The following SPECC1 variants were observed in gnomAD, a reference collection of about 807,000 sequenced individuals.
The protein encoded by SPECC1 is cytospin-B.
In SPECC1, 62 loss-of-function variants were observed where a neutral mutation model predicts 104.1. The observed-to-expected ratio is 0.60, with a 90% CI of 0.49 to 0.74. The LOEUF is 0.74. SPECC1 is among the 30% of genes least tolerant of loss of function. The pLI is 0.00. For synonymous variants in SPECC1, 513 were observed against 501.6 expected, an observed-to-expected ratio of 1.02 and a Z score of -0.30; for missense variants, 1,306 against 1,310.5, an observed-to-expected ratio of 1.00 and a Z score of 0.05.
chr17:20,074,222 C>CT (rs889045004), intron 1 of SPECC1, among the ~76,000 whole-genome samples: 7 of 152,246 alleles, frequency 4.6e-5, no homozygotes, highest in African/African-American at 1.4e-4. Flanking sequence ...GTAGTGTGCC[C>CT]TGTCGTCTGG....
At chr17:20,092,946 C>T (rs1350303343) in intron 1 of SPECC1, among the ~76,000 whole-genome samples, 2 of 152,188 alleles carry the variant, frequency 1.3e-5, no homozygotes, top group Admixed American at 1.3e-4. Context: ...CCATCCGTCC[C>T]TGGTGTTTAG....
intron 12 of SPECC1, among the ~76,000 whole-genome samples, chr17:20,273,758 T>G (rs549373568): frequency 6.6e-6 from 1 of 152,234 alleles, no homozygotes; most frequent in African/African-American, 2.4e-5. Flanking sequence ...GTCTTTGCCC[T>G]TCGCCACTGC....
At position 20,316,284 on chromosome 17, in the gene SPECC1, G is replaced by T; in HGVS notation, c.*2219G>T. On this transcript the variant is annotated 3_prime_UTR_variant, in exon 15 of 15. Coordinates refer to ENST00000395527, the MANE Select transcript of SPECC1 (RefSeq NM_001243439.2). The stretch of plus-strand genomic sequence containing the variant: ...TTAGATTTAAGCTGGAATTAGTCCA[G>T]GGTTTTATGTGGGGAGGCAGTTGCT... The T allele has an allele frequency of 4.3e-6, 1 of 231,734 alleles. No individual in the cohort carries two copies. The highest frequency in any genetic ancestry group is 8.5e-6 in the Non-Finnish European group (1 of 117,072). 14.4% of individuals were successfully genotyped at this position (231,734 alleles called of 1,614,324 possible). A position where few individuals can be genotyped will look rare whatever the true frequency, so the allele number is the denominator to read the frequency against.
At chr17:20,032,083 A>C (rs572838392) in intron 1 of SPECC1, among the ~76,000 whole-genome samples, 1 of 152,258 alleles carries the variant, frequency 6.6e-6, no homozygotes, top group South Asian at 2.1e-4. Context: ...ATATGTTATC[A>C]TTCATTGTTT....
At chr17:20,049,167 T>C (rs928827731) in intron 1 of SPECC1, among the ~76,000 whole-genome samples, 1 of 152,192 alleles carries the variant, frequency 6.6e-6, no homozygotes, top group African/African-American at 2.4e-5. Context: ...CATCAGTATA[T>C]ATATGCTATC....
intron 3 of SPECC1, among the ~76,000 whole-genome samples, chr17:20,125,017 A>G (rs1169420587): frequency 6.6e-6 from 1 of 152,112 alleles, no homozygotes; most frequent in Non-Finnish European, 1.5e-5. Context: ...CGTCTCTACT[A>G]AAAATACAAA....
chr17:20,257,917 C>T (rs931756511), intron 11 of SPECC1, among the ~76,000 whole-genome samples: 8 of 152,130 alleles, frequency 5.3e-5, no homozygotes, highest in South Asian at 2.1e-4. Flanking sequence ...ATTACAAGCA[C>T]GCTGTGGAAT....
chr17:20,112,732 T>C (rs2048555863), intron 3 of SPECC1: 1 of 1,211,216 alleles, frequency 8.3e-7, no homozygotes, highest in Non-Finnish European at 1.2e-6. Flanking sequence ...TTAAAGCCAA[T>C]TTAGAAGGTG....
At chr17:20,053,602 A>G (rs1381973234) in intron 1 of SPECC1, among the ~76,000 whole-genome samples, 5 of 152,194 alleles carry the variant, frequency 3.3e-5, no homozygotes, top group Non-Finnish European at 5.9e-5. Flanking sequence ...AGAGAAGCCA[A>G]CTGCCAGATG....
intron 4 of SPECC1, among the ~76,000 whole-genome samples, chr17:20,214,679 C>A (rs1214469005): frequency 6.6e-6 from 1 of 151,996 alleles, no homozygotes; most frequent in African/African-American, 2.4e-5. Flanking sequence ...AGCTAACTTT[C>A]CTATTTTTAG....
intron 1 of SPECC1, among the ~76,000 whole-genome samples, chr17:20,084,055 A>G (rs1265331645): frequency 6.6e-6 from 1 of 152,142 alleles, no homozygotes; most frequent in East Asian, 1.9e-4. Flanking sequence ...TTATTTAAAT[A>G]TTTGGTCATT....
At chr17:20,238,868 A>G (rs2039062034) in intron 7 of SPECC1, 2 of 1,044,568 alleles carry the variant, frequency 1.9e-6, no homozygotes, top group African/African-American at 1.7e-5. Context: ...ATGAAGTGCA[A>G]AATAAACATG....
At chr17:20,192,503 T>G (rs1045549318) in intron 3 of SPECC1, among the ~76,000 whole-genome samples, 3 of 152,172 alleles carry the variant, frequency 2.0e-5, no homozygotes, top group African/African-American at 7.2e-5. Flanking sequence ...TGTTTTTAGT[T>G]TCTTTCTTGG....
At chr17:20,203,373 G>T (rs2036560334) in intron 3 of SPECC1, among the ~76,000 whole-genome samples, 1 of 151,854 alleles carries the variant, frequency 6.6e-6, no homozygotes, top group East Asian at 1.9e-4. Flanking sequence ...TGATGTCTGG[G>T]TTTCACCCCT....
At chr17:20,148,881 A>G (rs1407982335) in intron 3 of SPECC1, among the ~76,000 whole-genome samples, 1 of 151,800 alleles carries the variant, frequency 6.6e-6, no homozygotes, top group East Asian at 1.9e-4. Context: ...CACTGCGCCC[A>G]GCTATTGTTT....
At position 20,314,003 on chromosome 17, in the gene SPECC1, C is replaced by G; in HGVS notation, c.3145C>G (p.Arg1049Gly). The G allele has an allele frequency of 1.2e-6, 2 of 1,614,150 alleles. No individual in the cohort carries two copies. The highest frequency in any genetic ancestry group is 8.5e-7 in the Non-Finnish European group (1 of 1,180,032). Residue 1049 changes from arginine to glycine, a missense_variant, in exon 15 of 15, where the codon CGG becomes GGG. Around this residue, in one of 2 missense-constraint regions of SPECC1, gnomAD observed 129 missense variants for 170.6 expected, o/e 0.76. Transcript: ENST00000395527. ...ACTCAGCGAGATGCTGTACACAGAC[C>G]GGCCCGACTGGCAGAGTGTGATGCA... ...LELSEMLYTD[R>G]PDWQSVMQYV...
At chr17:20,105,113 C>T (rs1366947508) in intron 2 of SPECC1, among the ~76,000 whole-genome samples, 4 of 150,736 alleles carry the variant, frequency 2.7e-5, no homozygotes, top group South Asian at 2.1e-4. Context: ...GGTGGGGGGG[C>T]GGGAGACAGG....
At chr17:20,231,679 C>T (rs1038343499) in intron 5 of SPECC1, 79 bp from the exon 6 acceptor site, 10 of 1,324,100 alleles carry the variant, frequency 7.6e-6, no homozygotes, top group Non-Finnish European at 8.7e-6. Flanking sequence ...TGGAGCTGCC[C>T]CTTTCTTTGC....
chr17:20,204,916 T>C lies in SPECC1; in HGVS notation c.867T>C (p.Thr289=). 6.2e-7 allele frequency: 1 copy of C among 1,613,986 alleles called. No homozygotes were observed. Among genetic ancestry groups the C allele is most frequent in the South Asian group, 1.1e-5 (1 of 91,068 alleles). ...AAGAGTCAAGCTTCGGAAGCCCAAC[T>C]GGAAATCAGATGTCCAGTGACATTG... ...ITQESSFGSP[T]GNQMSSDIDE... Residue 289 remains threonine, a synonymous_variant, in exon 4 of 15, where the codon ACT becomes ACC. Coordinates refer to ENST00000395527, the MANE Select transcript of SPECC1 (RefSeq NM_001243439.2).
Sources: allele counts gnomAD v4.1 joint callset (sites outside exome capture counted in the v4.1 genomes callset), GRCh38; gene constraint gnomAD v4.1.1; regional missense constraint gnomAD v4.1.1; transcripts MANE v1.5; gene names NCBI Gene and HGNC (gene_info 2026-07-23, HGNC 2026-07-21).